Variants in NIN observed in about 807,000 individuals in gnomAD.
NIN encodes the protein glycogen synthase kinase 3 beta-interacting protein.
A neutral mutation model predicts 257.6 loss-of-function variants in NIN; 137 were observed. The ratio of observed to expected loss-of-function variants is 0.53; its 90% CI spans 0.46 to 0.61. The LOEUF is 0.61. NIN is among the 20% of genes least tolerant of loss of function. NIN has a pLI of 0.00. For missense variants in NIN, 2,439 were observed against 2,501.2 expected, an observed-to-expected ratio of 0.98 and a Z score of 0.53; for synonymous variants, 918 against 919.8, an observed-to-expected ratio of 1.00 and a Z score of 0.04.
intron 30 of NIN, 75 bp downstream of exon 30, chr14:50,725,878 G>T: frequency 1.2e-6 from 2 of 1,611,888 alleles, no homozygotes; most frequent in Non-Finnish European, 1.7e-6. Flanking sequence ...CGAGTTAATG[G>T]CAATAAAGGG....
chr14:50,725,429 A>G (rs2040370932), intron 30 of NIN, among the ~76,000 whole-genome samples: 1 of 152,260 alleles, frequency 6.6e-6, no homozygotes, highest in Admixed American at 6.5e-5. Context: ...ATTCTAACTC[A>G]AAGTACATCT....
intron 16 of NIN, 91 bp from the exon 17 acceptor site, chr14:50,760,450 T>A: frequency 7.5e-7 from 1 of 1,324,694 alleles, no homozygotes; most frequent in Non-Finnish European, 1.0e-6. Context: ...TTTTTTTTTT[T>A]TTTTTTTTCC....
Position 50,739,490 on chromosome 14 carries a change from TAAGAG to T in NIN, c.5449-8_5449-4del. The T allele has an allele frequency of 6.2e-7, 1 of 1,613,958 alleles. No individual in the cohort carries two copies. On this transcript the variant is annotated splice_region_variant and splice_polypyrimidine_tract_variant and intron_variant, in intron 25 of 30. Coordinates refer to ENST00000530997, the MANE Select transcript of NIN (RefSeq NM_020921.4). ...GTAGCTATCTCTGGGGCCCAGCTCT[TAAGAG>T]AATTGCAGAGTGTAAGCCTTAAAAA... is the stretch of plus-strand genomic sequence containing the variant.
At chr14:50,733,375 G>C (rs190387613) in intron 28 of NIN, among the ~76,000 whole-genome samples, 16 of 152,322 alleles carry the variant, frequency 1.1e-4, no homozygotes, top group Admixed American at 2.0e-4. Context: ...ATAGGCATGA[G>C]CCACTGTGCC....
At chr14:50,754,537 T>C (rs756331515) in intron 20 of NIN, 26 bp downstream of exon 20, 3 of 1,564,334 alleles carry the variant, frequency 1.9e-6, no homozygotes, top group Admixed American at 3.8e-5. Context: ...TCAAAAAACA[T>C]TGAGAAATAT....
At chr14:50,735,698 G>C (rs1263113169) in intron 27 of NIN, 81 bp from the exon 28 acceptor site, 11 of 1,467,942 alleles carry the variant, frequency 7.5e-6, no homozygotes, top group Middle Eastern at 2.0e-4. Flanking sequence ...ACAAATCTGT[G>C]CTTGTCAGAA....
rs202080296 is a variant in NIN, at chr14:50,793,725, TCAC to T, written c.266-847_266-845del. Among the ~76,000 whole-genome samples, 727 of 152,146 alleles carry T rather than the reference TCAC, an allele frequency of 4.8e-3. 11 individuals carry two copies. Among genetic ancestry groups the T allele is most frequent in the African/African-American group, 0.017 (700 of 41,516 alleles). On this transcript the variant is annotated intron_variant, in intron 4 of 30. Transcript: ENST00000530997. ...ACCACTGCTGCCATCACCACTGCCA[TCAC>T]CACCACCACCACCACCTCCACCGCC...
At chr14:50,765,896 T>C (rs1262188408) in intron 14 of NIN, among the ~76,000 whole-genome samples, 1 of 151,686 alleles carries the variant, frequency 6.6e-6, no homozygotes, top group Non-Finnish European at 1.5e-5. Flanking sequence ...ATGTGCACAT[T>C]GTGCAGGTTA....
At chr14:50,729,233 G>A (rs946706039) in intron 29 of NIN, among the ~76,000 whole-genome samples, 1 of 151,378 alleles carries the variant, frequency 6.6e-6, no homozygotes, top group Non-Finnish European at 1.5e-5. Flanking sequence ...CTCTCTGAAA[G>A]AAGATTTAGG....
intron 21 of NIN, among the ~76,000 whole-genome samples, chr14:50,749,862 T>C (rs539970444): frequency 1.1e-4 from 17 of 152,156 alleles, no homozygotes; most frequent in African/African-American, 3.6e-4. Flanking sequence ...ACTAATTTTT[T>C]TTGTATTTTT....
chr14:50,784,918 GC>G (rs1187586769), intron 5 of NIN, among the ~76,000 whole-genome samples: 3 of 152,188 alleles, frequency 2.0e-5, no homozygotes, highest in African/African-American at 7.2e-5. Flanking sequence ...TCATTACTAT[GC>G]CAGTGTACTG....
At chr14:50,756,415 G>A in intron 18 of NIN, 77 bp downstream of exon 18, 1 of 1,471,948 alleles carries the variant, frequency 6.8e-7, no homozygotes, top group South Asian at 1.4e-5. Flanking sequence ...AGTTTCTCTA[G>A]GCACGGCAAG....
intron 7 of NIN, 110 bp downstream of exon 7, chr14:50,776,838 AG>A: frequency 1.0e-6 from 1 of 988,508 alleles, no homozygotes; most frequent in Non-Finnish European, 1.5e-6. Context: ...TTAGGAAAAA[AG>A]AAAATGGAGC....
chr14:50,753,792 A>C (rs2041903724), intron 20 of NIN, among the ~76,000 whole-genome samples: 1 of 152,076 alleles, frequency 6.6e-6, no homozygotes, highest in African/African-American at 2.4e-5. Context: ...ATCAATCTTT[A>C]CTTCTTGCTA....
chr14:50,745,091 C>G (rs1223126073), intron 22 of NIN, among the ~76,000 whole-genome samples: 1 of 152,150 alleles, frequency 6.6e-6, no homozygotes, highest in Non-Finnish European at 1.5e-5. Flanking sequence ...TGCGAACATA[C>G]TGGCTTTTCC....
intron 11 of NIN, 21 bp downstream of exon 11, chr14:50,770,831 G>C (rs766386085): frequency 1.9e-6 from 3 of 1,606,208 alleles, no homozygotes; most frequent in South Asian, 2.2e-5. Context: ...GTGAGGAGGA[G>C]CCTCACTCTG....
At chr14:50,737,341 T>C (rs1439885349) in intron 27 of NIN, among the ~76,000 whole-genome samples, 1 of 152,066 alleles carries the variant, frequency 6.6e-6, no homozygotes, top group Non-Finnish European at 1.5e-5. Context: ...AAGTAGATCC[T>C]CTAGCCCCAG....
intron 28 of NIN, among the ~76,000 whole-genome samples, chr14:50,735,290 G>T (rs1428830317): frequency 2.0e-5 from 3 of 152,260 alleles, no homozygotes; most frequent in African/African-American, 7.2e-5. Flanking sequence ...TTGCATTTTA[G>T]GTCATCATTA....
At chr14:50,778,236 G>A (rs2141879417) in intron 6 of NIN, among the ~76,000 whole-genome samples, 1 of 152,210 alleles carries the variant, frequency 6.6e-6, no homozygotes, top group South Asian at 2.1e-4. Flanking sequence ...GGAGTGCAGT[G>A]GCACAATCAC....
Sources: gnomAD v4.1 joint callset for allele counts (sites outside exome capture counted in the v4.1 genomes callset) on GRCh38, gnomAD v4.1.1 for gene constraint, MANE v1.5 for transcripts, NCBI Gene and HGNC (gene_info 2026-07-23, HGNC 2026-07-21) for gene names.